The following LHPP variants were observed in gnomAD, a reference collection of about 807,000 sequenced individuals.
LHPP encodes the protein hLHPP.
Under a neutral mutation model 30.3 loss-of-function variants are expected in LHPP, and 24 were observed. The observed-to-expected ratio is 0.79, with a 90% CI of 0.57 to 1.11. The LOEUF (loss-of-function observed/expected upper bound fraction) is 1.11, where lower values mean the gene tolerates loss of function less well. Among genes scored for constraint, LHPP ranks in the 50% most tolerant of loss-of-function variants. LHPP has a pLI of 0.00. For missense variants in LHPP, 356 were observed against 367.2 expected, an observed-to-expected ratio of 0.97 and a Z score of 0.25; for synonymous variants, 150 against 157.1, an observed-to-expected ratio of 0.95 and a Z score of 0.34.
chr10:124,572,305 C>T (rs1317149080), intron 6 of LHPP, among the ~76,000 whole-genome samples: 1 of 152,096 alleles, frequency 6.6e-6, no homozygotes, highest in Non-Finnish European at 1.5e-5. Flanking sequence ...CGGTCACTGG[C>T]ACCGAGAAGT....
At chr10:124,529,889 C>T (rs1268169042) in intron 6 of LHPP, among the ~76,000 whole-genome samples, 1 of 152,190 alleles carries the variant, frequency 6.6e-6, no homozygotes, top group Admixed American at 6.5e-5. Flanking sequence ...ATCCCAGCTG[C>T]CCCAGCGGGG....
intron 6 of LHPP, among the ~76,000 whole-genome samples, chr10:124,550,136 T>C (rs943938418): frequency 6.6e-6 from 1 of 152,234 alleles, no homozygotes; most frequent in African/African-American, 2.4e-5. Flanking sequence ...CTTTGCGTGC[T>C]GTGAACTGGG....
chr10:124,542,309 C>A (rs7077436), intron 6 of LHPP, among the ~76,000 whole-genome samples: 58,690 of 152,084 alleles, frequency 0.39, 12,698 homozygotes, highest in East Asian at 0.57. Flanking sequence ...TTGAAGTTAT[C>A]CAGCACTTAT....
At chr10:124,540,099 G>A (rs1955144010) in intron 6 of LHPP, among the ~76,000 whole-genome samples, 1 of 152,208 alleles carries the variant, frequency 6.6e-6, no homozygotes, top group Non-Finnish European at 1.5e-5. Context: ...TAACCGTGGG[G>A]AGGGGAGGGT....
intron 6 of LHPP, among the ~76,000 whole-genome samples, chr10:124,521,174 G>A (rs1283831711): frequency 6.6e-6 from 1 of 152,204 alleles, no homozygotes; most frequent in East Asian, 1.9e-4. Context: ...GGGCTGTTTT[G>A]GGACTGGAAT....
chr10:124,571,831 T>C (rs1361691775), intron 6 of LHPP, among the ~76,000 whole-genome samples: 2 of 152,038 alleles, frequency 1.3e-5, no homozygotes, highest in African/African-American at 4.8e-5. Context: ...ATAGACAACA[T>C]GGCGATGGAT....
chr10:124,579,673 T>C (rs1948719699), intron 6 of LHPP, among the ~76,000 whole-genome samples: 2 of 152,242 alleles, frequency 1.3e-5, no homozygotes, highest in Admixed American at 6.5e-5. Flanking sequence ...TTGTTAAATA[T>C]ACATATTTCC....
intron 6 of LHPP, among the ~76,000 whole-genome samples, chr10:124,542,235 A>C (rs1400045655): frequency 6.6e-6 from 1 of 152,206 alleles, no homozygotes; most frequent in Non-Finnish European, 1.5e-5. Flanking sequence ...GGGCTTGCAC[A>C]GATCGGACTG....
intron 6 of LHPP, among the ~76,000 whole-genome samples, chr10:124,558,188 G>A (rs1948334315): frequency 6.6e-6 from 1 of 152,166 alleles, no homozygotes; most frequent in Admixed American, 6.5e-5. Flanking sequence ...GGGAGTCATA[G>A]TGATGAGTCT....
At chr10:124,472,304 C>T (rs1952803816) in intron 1 of LHPP, among the ~76,000 whole-genome samples, 1 of 152,108 alleles carries the variant, frequency 6.6e-6, no homozygotes, top group African/African-American at 2.4e-5. Context: ...CACAGCAAGA[C>T]TCTGTCTCAA....
rs761284583 is a variant in LHPP at position 124,592,911 on chromosome 10, G to T, written c.717-20353G>T. Among the ~76,000 whole-genome samples the T allele has an allele frequency of 6.6e-5, 10 of 152,246 alleles. No individual in the cohort carries two copies. Among genetic ancestry groups the T allele is most frequent in the Non-Finnish European group, 1.5e-4 (10 of 68,034 alleles). ...GGGCACAATCGGCCCAGTGTGGGGC[G>T]CACCGCCCCAGGCAGGCTGGCGTCC... is the stretch of plus-strand genomic sequence containing the variant. On this transcript the variant is annotated intron_variant, in intron 6 of 6. Coordinates refer to ENST00000368842, the MANE Select transcript of LHPP (RefSeq NM_022126.4). The surrounding 1 kb of genome is among the most constrained non-coding windows in gnomAD (Gnocchi z 6.2).
At chr10:124,548,481 C>T (rs1955405679) in intron 6 of LHPP, among the ~76,000 whole-genome samples, 1 of 152,160 alleles carries the variant, frequency 6.6e-6, no homozygotes, top group Non-Finnish European at 1.5e-5. Flanking sequence ...GCCTGGACCC[C>T]AGAGAGGCCT....
intron 1 of LHPP, among the ~76,000 whole-genome samples, chr10:124,469,018 C>T (rs1277655421): frequency 6.6e-6 from 1 of 152,196 alleles, no homozygotes; most frequent in Admixed American, 6.5e-5. Flanking sequence ...CTTCATGGAG[C>T]AGGCCCTACT....
intron 6 of LHPP, among the ~76,000 whole-genome samples, chr10:124,548,088 G>C (rs1388470073): frequency 1.3e-5 from 2 of 152,172 alleles, no homozygotes; most frequent in African/African-American, 4.8e-5. Flanking sequence ...GGGAGGTAAA[G>C]GGGAGCCTTT....
chr10:124,556,180 C>T (rs1948295976), intron 6 of LHPP, among the ~76,000 whole-genome samples: 1 of 152,178 alleles, frequency 6.6e-6, no homozygotes, highest in African/African-American at 2.4e-5. Flanking sequence ...ACCAGCCCAC[C>T]ATCCAGAGGT....
rs35840555 is a variant in LHPP at position 124,553,449 on chromosome 10, C to CTTT, written c.716+36203_716+36205dup. 3.7e-3 allele frequency among the ~76,000 whole-genome samples: 229 copies of CTTT among 61,644 alleles called. 18 individuals carry two copies. Among genetic ancestry groups the CTTT allele is most frequent in the African/African-American group, 7.8e-3 (103 of 13,184 alleles). 40.4% of individuals were successfully genotyped at this position (61,644 alleles called of 152,430 possible). On this transcript the variant is annotated intron_variant, in intron 6 of 6. Coordinates refer to ENST00000368842, the MANE Select transcript of LHPP (RefSeq NM_022126.4). ...CCATAGGGCCAGGATTACAGCCATT[C>CTTT]TTTTTTTTTTTTTTTTTTTTTTTTT...
chr10:124,602,345 C>G (rs1054472352), intron 6 of LHPP, among the ~76,000 whole-genome samples: 2 of 152,262 alleles, frequency 1.3e-5, no homozygotes, highest in Non-Finnish European at 2.9e-5. Context: ...CCACCCACAG[C>G]TGGCTTACTG....
chr10:124,510,658 A>G lies in LHPP; in HGVS notation c.625-6522A>G, dbSNP rs1954274662. Among the ~76,000 whole-genome samples the G allele has an allele frequency of 6.6e-6, 1 of 152,304 alleles. No individual in the cohort carries two copies. The highest frequency in any genetic ancestry group is 6.5e-5 in the Admixed American group (1 of 15,298). On this transcript the variant is annotated intron_variant, in intron 5 of 6. Coordinates refer to ENST00000368842, the MANE Select transcript of LHPP (RefSeq NM_022126.4). This position sits in a 1 kb window ranked among gnomAD's most constrained non-coding sequence, Gnocchi z 4.0. ...TTGTATGTGGGAGGAGCATGCACAC[A>G]GTTTCATTTTCCCCGGAAGCATGGA... is the stretch of plus-strand genomic sequence containing the variant.
At chr10:124,502,667 CTTTTTTTTTT>C (rs1190430106) in intron 5 of LHPP, among the ~76,000 whole-genome samples, 1 of 71,308 alleles carries the variant, frequency 1.4e-5, no homozygotes, top group Non-Finnish European at 2.5e-5. Context: ...CACGCCCAGC[CTTTTTTTTTT>C]TTTTTTTTTT....
Sources: gnomAD v4.1 joint callset for allele counts (sites outside exome capture counted in the v4.1 genomes callset) on GRCh38, gnomAD v4.1.1 for gene constraint, Gnocchi (gnomAD v3.1) non-coding constraint, MANE v1.5 for transcripts, NCBI Gene and HGNC (gene_info 2026-07-23, HGNC 2026-07-21) for gene names.